The following SOX5 variants were observed in gnomAD, a reference collection of about 807,000 sequenced individuals.
The protein encoded by SOX5 is transcription factor SOX-5.
A neutral mutation model predicts 92.0 loss-of-function variants in SOX5; 9 were observed. That is an observed-to-expected ratio of 0.10 (90% CI 0.06 to 0.17). The LOEUF (loss-of-function observed/expected upper bound fraction) is 0.17, where lower values mean the gene tolerates loss of function less well. Among genes scored for constraint, SOX5 ranks in the 10% least tolerant of loss-of-function variants. SOX5 has a pLI of 1.00. For synonymous variants in SOX5, 344 were observed against 336.3 expected, an observed-to-expected ratio of 1.02 and a Z score of -0.25; for missense variants, 642 against 944.5, an observed-to-expected ratio of 0.68 and a Z score of 4.20.
intron 8 of SOX5, among the ~76,000 whole-genome samples, chr12:23,617,617 G>A (rs79104635): frequency 2.0e-5 from 3 of 152,098 alleles, no homozygotes; most frequent in African/African-American, 7.2e-5. Context: ...AAAAATTAAA[G>A]ATACATTTGA....
chr12:23,577,401 T>C (rs765386080), intron 9 of SOX5, among the ~76,000 whole-genome samples: 1 of 151,762 alleles, frequency 6.6e-6, no homozygotes, highest in Non-Finnish European at 1.5e-5. Flanking sequence ...GGTTTCACCA[T>C]GTTGGCCAGC....
chr12:24,223,097 A>T (rs757206476), intron 3 of SOX5, among the ~76,000 whole-genome samples: 1 of 152,206 alleles, frequency 6.6e-6, no homozygotes, highest in African/African-American at 2.4e-5. Context: ...TATTATTTAG[A>T]TGTTTCTTCA....
At chr12:24,384,877 C>G (rs867808060) in intron 1 of SOX5, among the ~76,000 whole-genome samples, 9 of 152,136 alleles carry the variant, frequency 5.9e-5, no homozygotes, top group African/African-American at 2.2e-4. Flanking sequence ...TACACAGATT[C>G]TGCAATACAG....
At chr12:23,845,250 C>T (rs533941465) in intron 3 of SOX5, among the ~76,000 whole-genome samples, 1 of 152,308 alleles carries the variant, frequency 6.6e-6, no homozygotes, top group African/African-American at 2.4e-5. Flanking sequence ...TGCAGTATGG[C>T]ACCCATGCTT....
At chr12:23,765,382 CAGCAAAAAAAAA>C (rs1239651663) in intron 3 of SOX5, among the ~76,000 whole-genome samples, 1 of 1,232 alleles carries the variant, frequency 8.1e-4, no homozygotes, top group African/African-American at 2.2e-3. Context: ...AAGTGTAAAA[CAGCAAAAAAAAA>C]AAAAAAAAAA....
At chr12:24,533,890 G>A (rs1297899254) in intron 1 of SOX5, among the ~76,000 whole-genome samples, 1 of 152,188 alleles carries the variant, frequency 6.6e-6, no homozygotes, top group Non-Finnish European at 1.5e-5. Context: ...ACAGGAGACA[G>A]TCGTTAGTGT....
chr12:24,466,128 A>T (rs1272511033), intron 1 of SOX5, among the ~76,000 whole-genome samples: 1 of 152,160 alleles, frequency 6.6e-6, no homozygotes, highest in Non-Finnish European at 1.5e-5. Flanking sequence ...GAAAAGAGGG[A>T]GAATGAAGAA....
At chr12:23,614,894 C>A (rs1166208716) in intron 8 of SOX5, among the ~76,000 whole-genome samples, 2 of 152,168 alleles carry the variant, frequency 1.3e-5, no homozygotes, top group Non-Finnish European at 2.9e-5. Context: ...CTCCGCCTCC[C>A]AGGTTAAAGC....
chr12:24,433,525 T>A (rs1938784315), intron 1 of SOX5, among the ~76,000 whole-genome samples: 1 of 152,126 alleles, frequency 6.6e-6, no homozygotes, highest in Admixed American at 6.6e-5. Context: ...GGTATGGTAA[T>A]TAATATTGAA....
At chr12:24,233,126 C>G (rs1480875360) in intron 3 of SOX5, among the ~76,000 whole-genome samples, 1 of 151,970 alleles carries the variant, frequency 6.6e-6, no homozygotes, top group Non-Finnish European at 1.5e-5. Context: ...TGCCTAACTT[C>G]ATGATGAAAG....
At chr12:24,347,682 T>G (rs1953483985) in intron 2 of SOX5, among the ~76,000 whole-genome samples, 1 of 152,186 alleles carries the variant, frequency 6.6e-6, no homozygotes, top group African/African-American at 2.4e-5. Flanking sequence ...AGAAAATGTA[T>G]CTAAATGATG....
intron 1 of SOX5, among the ~76,000 whole-genome samples, chr12:24,375,477 G>A (rs1264147820): frequency 6.6e-6 from 1 of 151,728 alleles, no homozygotes; most frequent in African/African-American, 2.4e-5. Context: ...GCTCACGCCT[G>A]TAATCTTAGC....
At chr12:24,396,732 C>T (rs573898806) in intron 1 of SOX5, among the ~76,000 whole-genome samples, 4 of 152,314 alleles carry the variant, frequency 2.6e-5, no homozygotes, top group East Asian at 3.9e-4. Context: ...GTTAAAAAAG[C>T]GTTAACTATG....
intron 1 of SOX5, among the ~76,000 whole-genome samples, chr12:23,947,058 A>G (rs1170296287): frequency 6.6e-6 from 1 of 151,970 alleles, no homozygotes; most frequent in Non-Finnish European, 1.5e-5. Context: ...AGTTCTGAAT[A>G]TTCCTTAAAG....
intron 2 of SOX5, among the ~76,000 whole-genome samples, chr12:23,850,414 T>G (rs1404179083): frequency 3.5e-5 from 5 of 141,864 alleles, no homozygotes; most frequent in African/African-American, 1.3e-4. Context: ...GGTGACAGAG[T>G]GAGACTCTGT....
intron 1 of SOX5, among the ~76,000 whole-genome samples, chr12:24,528,698 T>G (rs934042566): frequency 1.3e-5 from 2 of 152,192 alleles, no homozygotes; most frequent in African/African-American, 4.8e-5. Context: ...TCTGACCAGT[T>G]CTCTTACTTA....
chr12:23,982,808 A>G (rs1258888145), intron 4 of SOX5, among the ~76,000 whole-genome samples: 2 of 151,752 alleles, frequency 1.3e-5, no homozygotes, highest in African/African-American at 2.4e-5. Flanking sequence ...AGTAATAATA[A>G]TATCTTTTAA....
chr12:23,678,231 C>T (rs944085781), intron 6 of SOX5, among the ~76,000 whole-genome samples: 5 of 152,162 alleles, frequency 3.3e-5, no homozygotes, highest in Admixed American at 3.3e-4. Flanking sequence ...AAATATTATA[C>T]AATCTACCAT....
intron 1 of SOX5, among the ~76,000 whole-genome samples, chr12:24,405,680 C>G (rs1367905150): frequency 6.6e-6 from 1 of 152,154 alleles, no homozygotes; most frequent in Non-Finnish European, 1.5e-5. Flanking sequence ...GGCCCCACTG[C>G]CTCGACTCTC....
Sources: allele counts gnomAD v4.1 joint callset (sites outside exome capture counted in the v4.1 genomes callset), GRCh38; gene constraint gnomAD v4.1.1; transcripts MANE v1.5; gene names NCBI Gene and HGNC (gene_info 2026-07-23, HGNC 2026-07-21).